The following SNTB2 variants were observed in gnomAD, a reference collection of about 807,000 sequenced individuals.
SNTB2 encodes syntrophin beta 2.
In SNTB2, 34 loss-of-function variants were observed where a neutral mutation model predicts 46.2. That is an observed-to-expected ratio of 0.74 (90% CI 0.56 to 0.98). SNTB2 has a LOEUF of 0.98. SNTB2 is among the 50% of genes least tolerant of loss of function. The pLI is 0.00. For missense variants in SNTB2, 603 were observed against 731.4 expected (o/e 0.82, Z 2.02); for synonymous variants, 290 against 312.6 (o/e 0.93, Z 0.76).
intron 5 of SNTB2, among the ~76,000 whole-genome samples, chr16:69,298,468 A>C (rs1002828380): frequency 1.4e-5 from 2 of 145,982 alleles, no homozygotes; most frequent in African/African-American, 5.1e-5. Context: ...TGCCCAGTTC[A>C]GTCCTTCTGC....
chr16:69,276,992 A>C lies in SNTB2; in HGVS notation c.1148+6707A>C, dbSNP rs140383956. Among the ~76,000 whole-genome samples the C allele has an allele frequency of 3.3e-3, 505 of 152,338 alleles. 4 individuals carry two copies. Among genetic ancestry groups the C allele is most frequent in the African/African-American group, 0.011 (476 of 41,576 alleles). On this transcript the variant is annotated intron_variant, in intron 4 of 6. Transcript: ENST00000336278. ...CTGTGTGATGAAATGGGAAGTACTC[A>C]TGGAGCACTTCTGCTGCATACTGAA...
chr16:69,253,541 C>T (rs972788436), intron 2 of SNTB2, among the ~76,000 whole-genome samples: 10 of 151,860 alleles, frequency 6.6e-5, no homozygotes, highest in African/African-American at 2.2e-4. Flanking sequence ...CCCAGCTACT[C>T]GGGAGGCTGA....
At chr16:69,190,466 T>G (rs1405422037) in intron 1 of SNTB2, among the ~76,000 whole-genome samples, 1 of 152,238 alleles carries the variant, frequency 6.6e-6, no homozygotes, top group Non-Finnish European at 1.5e-5. Flanking sequence ...TGAAGATACC[T>G]GATTCCTGTC....
chr16:69,229,290 C>T (rs1223654904), intron 1 of SNTB2, among the ~76,000 whole-genome samples: 33 of 152,030 alleles, frequency 2.2e-4, no homozygotes, highest in Non-Finnish European at 2.9e-5. Flanking sequence ...CCACTTCAGC[C>T]TCCTGGGTGG....
At chr16:69,238,861 G>A (rs1289298732) in intron 1 of SNTB2, among the ~76,000 whole-genome samples, 2 of 151,816 alleles carry the variant, frequency 1.3e-5, no homozygotes, top group East Asian at 3.9e-4. Context: ...TTTTGCCTTG[G>A]CCTTCTTTTA....
chr16:69,296,993 C>T (rs1393855073), intron 5 of SNTB2, among the ~76,000 whole-genome samples: 1 of 148,312 alleles, frequency 6.7e-6, no homozygotes, highest in East Asian at 2.0e-4. Context: ...CAGAGTGAGA[C>T]TCTTATCTCA....
chr16:69,280,297 A>T (rs187073925), intron 4 of SNTB2, among the ~76,000 whole-genome samples: 1 of 152,154 alleles, frequency 6.6e-6, no homozygotes, highest in Non-Finnish European at 1.5e-5. Context: ...CGATTTCTCA[A>T]TCCTTTCCCC....
chr16:69,218,939 TC>T (rs1805385011), intron 1 of SNTB2, among the ~76,000 whole-genome samples: 1 of 152,198 alleles, frequency 6.6e-6, no homozygotes, highest in Non-Finnish European at 1.5e-5. Context: ...GTTGGGTCTG[TC>T]CTCTTTATCA....
At chr16:69,229,949 G>A (rs1567402889) in intron 1 of SNTB2, among the ~76,000 whole-genome samples, 1 of 151,694 alleles carries the variant, frequency 6.6e-6, no homozygotes, top group South Asian at 2.1e-4. Context: ...ACCATGCCTG[G>A]CTAATTTTAA....
chr16:69,266,962 T>C (rs1158278876), intron 3 of SNTB2, among the ~76,000 whole-genome samples: 1 of 152,046 alleles, frequency 6.6e-6, no homozygotes, highest in African/African-American at 2.4e-5. Context: ...CCTCCCAAAG[T>C]GTCAAGATTA....
chr16:69,239,465 ACT>A (rs1323019996), intron 1 of SNTB2, among the ~76,000 whole-genome samples: 16 of 152,022 alleles, frequency 1.1e-4, no homozygotes, highest in African/African-American at 3.9e-4. Flanking sequence ...GTTTCAGAAA[ACT>A]CTGTTGTGCT....
chr16:69,232,162 C>T (rs1366396191), intron 1 of SNTB2, among the ~76,000 whole-genome samples: 2 of 150,316 alleles, frequency 1.3e-5, no homozygotes, highest in East Asian at 1.9e-4. Context: ...TTTTTTTTGC[C>T]GGTTTGTATA....
rs560004790 is a variant in SNTB2 at position 69,194,152 on chromosome 16, G to A, written c.580+6406G>A. ...TGTGGAAGGATTCAAGGCCATATCT[G>A]GGTTCAGCAGTAGCAAGTGCTATGC... On this transcript the variant is annotated intron_variant, in intron 1 of 6. Transcript: ENST00000336278. 2.0e-5 allele frequency among the ~76,000 whole-genome samples: 3 copies of A among 152,298 alleles called. No homozygotes were observed. The East Asian group carries it at 5.8e-4, about 29-fold the overall frequency.
chr16:69,284,635 G>A (rs866729281), intron 5 of SNTB2, among the ~76,000 whole-genome samples: 3 of 151,992 alleles, frequency 2.0e-5, no homozygotes, highest in African/African-American at 4.8e-5. Context: ...TTAGCCAGGC[G>A]TGGCAGCATG....
intron 1 of SNTB2, among the ~76,000 whole-genome samples, chr16:69,192,910 G>A (rs562259190): frequency 6.6e-6 from 1 of 151,964 alleles, no homozygotes; most frequent in South Asian, 2.1e-4. Context: ...GCTATAATTA[G>A]TTGAGAATAT....
chr16:69,200,967 T>C (rs1010321277), intron 1 of SNTB2, among the ~76,000 whole-genome samples: 4 of 152,210 alleles, frequency 2.6e-5, no homozygotes, highest in African/African-American at 9.6e-5. Flanking sequence ...TACCAAACAC[T>C]TTACCGAGTT....
intron 2 of SNTB2, among the ~76,000 whole-genome samples, chr16:69,247,372 A>G (rs2143047752): frequency 6.6e-6 from 1 of 152,340 alleles, no homozygotes; most frequent in African/African-American, 2.4e-5. Context: ...GTTAGAGATT[A>G]GTGGAAAAAA....
At position 69,301,054 on chromosome 16, in the gene SNTB2, C is replaced by G; in HGVS notation, c.*130C>G. The G allele has an allele frequency of 1.6e-6, 1 of 621,300 alleles. No individual in the cohort carries two copies. Among genetic ancestry groups the G allele is most frequent in the Non-Finnish European group, 2.9e-6 (1 of 347,938 alleles). The allele number at this position is 621,300 out of a possible 1,614,324, so 38.5% of individuals were successfully genotyped here. ...CTTCCCAAGGACCTGCAAATAACTG[C>G]TGAACCATAACCGTGTTTAAAGAAG... is the stretch of plus-strand genomic sequence containing the variant. On this transcript the variant is annotated 3_prime_UTR_variant, in exon 7 of 7. Transcript: ENST00000336278.
intron 4 of SNTB2, 84 bp from the exon 5 acceptor site, chr16:69,283,964 T>G: frequency 7.8e-7 from 1 of 1,275,782 alleles, no homozygotes; most frequent in Non-Finnish European, 1.1e-6. Context: ...TTTTATAAGT[T>G]TCTCTTATCA....
Sources: gnomAD v4.1 joint callset for allele counts (sites outside exome capture counted in the v4.1 genomes callset) on GRCh38, gnomAD v4.1.1 for gene constraint, MANE v1.5 for transcripts, NCBI Gene and HGNC (gene_info 2026-07-23, HGNC 2026-07-21) for gene names.